The following ZHX2 variants were observed in gnomAD, a reference collection of about 807,000 sequenced individuals.
ZHX2 encodes zinc fingers and homeoboxes 2.
ZHX2 carries 6 observed loss-of-function variants against 21.9 expected under a neutral mutation model. The ratio of observed to expected loss-of-function variants is 0.27; its 90% CI spans 0.15 to 0.54. The LOEUF (loss-of-function observed/expected upper bound fraction) is 0.54, where lower values mean the gene tolerates loss of function less well. ZHX2 is among the 20% of genes least tolerant of loss of function. The pLI is 0.95. For missense variants in ZHX2, 908 were observed against 1,090.7 expected (o/e 0.83, Z 2.36); for synonymous variants, 434 against 437.1 (o/e 0.99, Z 0.09).
intron 1 of ZHX2, among the ~76,000 whole-genome samples, chr8:122,850,483 CA>C (rs991935999): frequency 2.6e-5 from 4 of 151,840 alleles, no homozygotes; most frequent in African/African-American, 9.7e-5. Context: ...ATGAAAAGTA[CA>C]AAAAAATTAG....
intron 1 of ZHX2, among the ~76,000 whole-genome samples, chr8:122,838,140 G>A (rs1183506239): frequency 2.0e-5 from 3 of 152,230 alleles, no homozygotes; most frequent in Non-Finnish European, 4.4e-5. Flanking sequence ...AGTGCTCTCA[G>A]TTTGCAGAGC....
intron 2 of ZHX2, among the ~76,000 whole-genome samples, chr8:122,864,076 G>A (rs1420843692): frequency 1.3e-5 from 2 of 151,628 alleles, no homozygotes. Flanking sequence ...GGAAACTTGG[G>A]AAGTAGAGTG....
At chr8:122,879,247 A>AC (rs1354019787) in intron 2 of ZHX2, among the ~76,000 whole-genome samples, 1 of 152,008 alleles carries the variant, frequency 6.6e-6, no homozygotes, top group South Asian at 2.1e-4. Context: ...TCGCTCTGTC[A>AC]CCAGGCTGGA....
chr8:122,852,445 G>T (rs959565309), intron 1 of ZHX2, among the ~76,000 whole-genome samples: 3 of 151,792 alleles, frequency 2.0e-5, no homozygotes, highest in Non-Finnish European at 4.4e-5. Flanking sequence ...TACTAACACC[G>T]TGTAATAGTA....
rs558944549 is a variant in ZHX2 at position 122,916,480 on chromosome 8, CT to C, written c.-219-34807del. 3.4e-3 allele frequency among the ~76,000 whole-genome samples: 511 copies of C among 152,186 alleles called. 6 individuals are homozygous for C. The highest frequency in any genetic ancestry group is 0.012 in the African/African-American group (494 of 41,548). On this transcript the variant is annotated intron_variant, in intron 2 of 3. Coordinates refer to ENST00000314393, the MANE Select transcript of ZHX2 (RefSeq NM_014943.5). Reference sequence around the variant, plus strand: ...AGTGGAGAGGGGCTTCGGTGCCTTTCTTTTTCTTTTTCTTTTTCTTTTTTTC... The same window carrying C: ...AGTGGAGAGGGGCTTCGGTGCCTTTCTTTTCTTTTTCTTTTTCTTTTTTTC...
chr8:122,786,874 A>G (rs1325665747), intron 1 of ZHX2, among the ~76,000 whole-genome samples: 1 of 152,202 alleles, frequency 6.6e-6, no homozygotes, highest in African/African-American at 2.4e-5. Context: ...GGCTGTGCAC[A>G]TGCCCCTTTG....
At chr8:122,788,105 C>T (rs1817435674) in intron 1 of ZHX2, among the ~76,000 whole-genome samples, 1 of 152,238 alleles carries the variant, frequency 6.6e-6, no homozygotes, top group African/African-American at 2.4e-5. Flanking sequence ...AGACACAGCA[C>T]AAGCACATGG....
At chr8:122,852,275 C>T (rs1234239224) in intron 1 of ZHX2, among the ~76,000 whole-genome samples, 2 of 152,118 alleles carry the variant, frequency 1.3e-5, no homozygotes, top group Non-Finnish European at 2.9e-5. Context: ...TCATCTGAGT[C>T]AAGATTCATT....
chr8:122,940,599 GA>G (rs1260621868), intron 2 of ZHX2, among the ~76,000 whole-genome samples: 1 of 152,204 alleles, frequency 6.6e-6, no homozygotes, highest in Non-Finnish European at 1.5e-5. Flanking sequence ...TTTTTGGTTA[GA>G]AAGGATCATG....
chr8:122,906,549 T>C (rs1473969844), intron 2 of ZHX2, among the ~76,000 whole-genome samples: 21 of 152,156 alleles, frequency 1.4e-4, no homozygotes, highest in Admixed American at 1.3e-3. Context: ...GGTGTGTTTA[T>C]GCATGGGAAA....
intron 1 of ZHX2, among the ~76,000 whole-genome samples, chr8:122,827,766 A>T (rs1213883328): frequency 6.6e-6 from 1 of 152,232 alleles, no homozygotes. Context: ...GTTGCAGTGA[A>T]AAAACCACAA....
At chr8:122,960,638 G>C (rs956558449) in intron 3 of ZHX2, among the ~76,000 whole-genome samples, 1 of 152,110 alleles carries the variant, frequency 6.6e-6, no homozygotes, top group Admixed American at 6.5e-5. Context: ...CAGAGAGGAG[G>C]GGAAGAATAT....
intron 1 of ZHX2, among the ~76,000 whole-genome samples, chr8:122,846,049 G>T (rs1483819332): frequency 1.3e-5 from 2 of 151,766 alleles, no homozygotes; most frequent in East Asian, 3.8e-4. Flanking sequence ...AGTAAGAGAT[G>T]AGGGCAGTGC....
intron 2 of ZHX2, among the ~76,000 whole-genome samples, chr8:122,908,676 T>C (rs535310059): frequency 2.6e-5 from 4 of 152,202 alleles, no homozygotes; most frequent in Admixed American, 1.3e-4. Context: ...TCATGCCCAC[T>C]CAGCATCCAG....
intron 1 of ZHX2, among the ~76,000 whole-genome samples, chr8:122,800,758 CAGAG>C (rs112122226): frequency 8.4e-4 from 126 of 149,688 alleles, no homozygotes; most frequent in South Asian, 1.7e-3. Context: ...AGGCGGGGGG[CAGAG>C]AGAGAGAGAG....
Position 122,952,713 on chromosome 8 carries a change from C to T in ZHX2, c.1203C>T (p.Thr401=), listed in dbSNP as rs3808600. ...SPITLAVAGV[T]NHGQKRPLVT... Reference sequence around the variant, plus strand: ...TCACACTTGCCGTGGCAGGAGTCACCAACCATGGCCAGAAGAGACCCTTGG... The same window carrying T: ...TCACACTTGCCGTGGCAGGAGTCACTAACCATGGCCAGAAGAGACCCTTGG... Residue 401 remains threonine (T), a synonymous_variant, in exon 3 of 4, where the codon ACC becomes ACT. Coordinates refer to ENST00000314393, the MANE Select transcript of ZHX2 (RefSeq NM_014943.5). The surrounding 1 kb of genome is among the most constrained non-coding windows in gnomAD (Gnocchi z 6.9). The T allele has an allele frequency of 0.33, 526,187 of 1,613,882 alleles. 90,433 individuals are homozygous for T. Among genetic ancestry groups the T allele is most frequent in the South Asian group, 0.39 (35,383 of 91,066 alleles).
chr8:122,842,376 C>T (rs564662099), intron 1 of ZHX2, among the ~76,000 whole-genome samples: 2 of 152,176 alleles, frequency 1.3e-5, no homozygotes, highest in Admixed American at 6.5e-5. Flanking sequence ...CAAACTGAAC[C>T]GCTAGTTCAG....
intron 2 of ZHX2, among the ~76,000 whole-genome samples, chr8:122,914,125 A>G (rs952668780): frequency 5.9e-5 from 9 of 152,138 alleles, no homozygotes; most frequent in African/African-American, 2.2e-4. Context: ...TATTCCAAGT[A>G]CCTAGCACAG....
intron 2 of ZHX2, among the ~76,000 whole-genome samples, chr8:122,929,890 C>T (rs1820942299): frequency 6.6e-6 from 1 of 152,170 alleles, no homozygotes. Flanking sequence ...TGTGTTCTTG[C>T]ACCTAATGGG....
Sources: gnomAD v4.1 joint callset for allele counts (sites outside exome capture counted in the v4.1 genomes callset) on GRCh38, gnomAD v4.1.1 for gene constraint, Gnocchi (gnomAD v3.1) non-coding constraint, MANE v1.5 for transcripts, NCBI Gene and HGNC (gene_info 2026-07-23, HGNC 2026-07-21) for gene names.